NCKAP5: variants seen among roughly 807,000 people sequenced by gnomAD.
The protein encoded by NCKAP5 is NCK associated protein 5.
NCKAP5 carries 92 observed loss-of-function variants against 167.0 expected under a neutral mutation model. That is an observed-to-expected ratio of 0.55 (90% CI 0.47 to 0.66). The LOEUF is 0.66. Ranked by LOEUF, NCKAP5 falls within the 30% of genes least tolerant of loss-of-function variation. The pLI, the probability that NCKAP5 is intolerant of heterozygous loss-of-function variation, is 0.00. For missense variants in NCKAP5, 2,378 were observed against 2,315.0 expected (o/e 1.03, Z -0.56); for synonymous variants, 891 against 877.4 (o/e 1.02, Z -0.27).
intron 12 of NCKAP5, among the ~76,000 whole-genome samples, chr2:132,791,355 A>G (rs1319525068): frequency 6.6e-6 from 1 of 152,208 alleles, no homozygotes; most frequent in East Asian, 1.9e-4. Context: ...CACATCAGGT[A>G]GGTCTGGGTT....
chr2:133,150,871 T>A (rs1559195933), intron 5 of NCKAP5, among the ~76,000 whole-genome samples: 3 of 152,170 alleles, frequency 2.0e-5, no homozygotes, highest in Non-Finnish European at 4.4e-5. Flanking sequence ...TATGGGATAC[T>A]CAAACACTGT....
At chr2:132,898,790 A>G (rs1257978130) in intron 8 of NCKAP5, among the ~76,000 whole-genome samples, 1 of 152,228 alleles carries the variant, frequency 6.6e-6, no homozygotes, top group Non-Finnish European at 1.5e-5. Flanking sequence ...TATTAGTAAA[A>G]TATTCTGTGA....
chr2:133,452,680 A>G (rs1691622038), intron 3 of NCKAP5, among the ~76,000 whole-genome samples: 1 of 152,180 alleles, frequency 6.6e-6, no homozygotes, highest in African/African-American at 2.4e-5. Flanking sequence ...GCAGTGTGAA[A>G]TCAATCCTTA....
At chr2:132,738,400 C>T (rs1046244001) in intron 16 of NCKAP5, among the ~76,000 whole-genome samples, 3 of 152,176 alleles carry the variant, frequency 2.0e-5, no homozygotes, top group Non-Finnish European at 2.9e-5. Context: ...CTCTGGCTCT[C>T]ATCCCAAGGA....
intron 5 of NCKAP5, among the ~76,000 whole-genome samples, chr2:133,142,900 G>A (rs1026203621): frequency 2.0e-5 from 3 of 152,066 alleles, no homozygotes; most frequent in African/African-American, 7.2e-5. Context: ...AGATTTATAT[G>A]TAAAACTTTC....
intron 4 of NCKAP5, among the ~76,000 whole-genome samples, chr2:133,220,124 C>G (rs998036898): frequency 6.6e-6 from 1 of 152,204 alleles, no homozygotes; most frequent in Admixed American, 6.5e-5. Flanking sequence ...TACACATACA[C>G]CCTTGCTCCC....
chr2:132,814,370 A>G (rs2105284166), intron 11 of NCKAP5, among the ~76,000 whole-genome samples: 1 of 152,318 alleles, frequency 6.6e-6, no homozygotes, highest in South Asian at 2.1e-4. Context: ...TTTGAAATAT[A>G]GGGCATAAAA....
the NCKAP5 span, among the ~76,000 whole-genome samples, chr2:133,591,181 G>C: frequency 6.6e-6 from 1 of 152,158 alleles, no homozygotes; most frequent in African/African-American, 2.4e-5. Flanking sequence ...ATAAAGTAGG[G>C]CTTCTTGTCA....
chr2:133,393,216 C>T (rs184485033), intron 3 of NCKAP5, among the ~76,000 whole-genome samples: 7 of 152,258 alleles, frequency 4.6e-5, no homozygotes, highest in Admixed American at 1.3e-4. Flanking sequence ...AAGTTGAAAC[C>T]ATTGGGCCAT....
chr2:133,609,793 A>G, the NCKAP5 span, among the ~76,000 whole-genome samples: 2 of 152,214 alleles, frequency 1.3e-5, no homozygotes, highest in African/African-American at 4.8e-5. Flanking sequence ...GTATCCATCA[A>G]AAATATTAGG....
chr2:133,216,936 G>C (rs1008971269), intron 4 of NCKAP5, among the ~76,000 whole-genome samples: 1 of 151,896 alleles, frequency 6.6e-6, no homozygotes, highest in African/African-American at 2.4e-5. Flanking sequence ...AAAAAACTTC[G>C]CAAAACATGT....
At chr2:133,324,790 G>A (rs1682317765) in intron 3 of NCKAP5, among the ~76,000 whole-genome samples, 1 of 151,984 alleles carries the variant, frequency 6.6e-6, no homozygotes, top group African/African-American at 2.4e-5. Flanking sequence ...CACGATCTCG[G>A]CTCACTGCAA....
At chr2:133,210,997 A>AC (rs1443009671) in intron 5 of NCKAP5, among the ~76,000 whole-genome samples, 54 of 82,210 alleles carry the variant, frequency 6.6e-4, no homozygotes, top group African/African-American at 2.6e-3. Flanking sequence ...AACCCTCCCT[A>AC]CCCCCCCAAC....
intron 18 of NCKAP5, among the ~76,000 whole-genome samples, 197 bp from the exon 19 acceptor site, chr2:132,725,956 C>T (rs868840320): frequency 2.0e-5 from 3 of 152,152 alleles, no homozygotes; most frequent in African/African-American, 7.2e-5. Context: ...CTGATGCTGT[C>T]TACTCAATTA....
chr2:133,517,659 C>A, intron 2 of NCKAP5, 72 bp from the exon 3 acceptor site: 1 of 463,092 alleles, frequency 2.2e-6, no homozygotes, highest in Non-Finnish European at 3.7e-6. Context: ...ACTCTCTAAC[C>A]AGAAACAAGC....
At chr2:132,790,604 G>A (rs762067969) in intron 12 of NCKAP5, among the ~76,000 whole-genome samples, 5 of 152,154 alleles carry the variant, frequency 3.3e-5, no homozygotes, top group Middle Eastern at 3.4e-3. Flanking sequence ...AAATCCTGTC[G>A]AACTACCCTA....
chr2:132,770,769 C>T (rs1053326919), intron 16 of NCKAP5, among the ~76,000 whole-genome samples: 1 of 152,106 alleles, frequency 6.6e-6, no homozygotes, highest in Non-Finnish European at 1.5e-5. Flanking sequence ...CAGTCATGTA[C>T]AACAAAATGA....
chr2:132,712,358 T>C (rs1374364085), intron 19 of NCKAP5, among the ~76,000 whole-genome samples: 1 of 152,172 alleles, frequency 6.6e-6, no homozygotes, highest in Admixed American at 6.5e-5. Context: ...CTTAGAACTA[T>C]GTTGGGATTC....
At chr2:132,750,729 G>T (rs140338003) in intron 16 of NCKAP5, among the ~76,000 whole-genome samples, 1 of 152,284 alleles carries the variant, frequency 6.6e-6, no homozygotes, top group African/African-American at 2.4e-5. Flanking sequence ...AAACTACAGT[G>T]AGTACCATTG....
Sources: allele counts gnomAD v4.1 joint callset (sites outside exome capture counted in the v4.1 genomes callset), GRCh38; gene constraint gnomAD v4.1.1; transcripts MANE v1.5; gene names NCBI Gene and HGNC (gene_info 2026-07-23, HGNC 2026-07-21).